SEMA5B: variants seen among roughly 807,000 people sequenced by gnomAD.
SEMA5B encodes semaphorin 5B.
A neutral mutation model predicts 135.0 loss-of-function variants in SEMA5B; 66 were observed. The ratio of observed to expected loss-of-function variants is 0.49; its 90% CI spans 0.40 to 0.60. The LOEUF is 0.60. Among genes scored for constraint, SEMA5B ranks in the 20% least tolerant of loss-of-function variants. The pLI is 0.00. For synonymous variants in SEMA5B, 690 were observed against 639.5 expected, an observed-to-expected ratio of 1.08 and a Z score of -1.19; for missense variants, 1,501 against 1,566.3, an observed-to-expected ratio of 0.96 and a Z score of 0.70.
chr3:122,927,759 G>C (rs1288776825), intron 8 of SEMA5B, 31 bp downstream of exon 8: 5 of 1,386,280 alleles, frequency 3.6e-6, no homozygotes, highest in Non-Finnish European at 3.8e-6. Flanking sequence ...AACCAGGGGA[G>C]TCCCCACCCC....
chr3:122,978,841 A>C (rs10934632), intron 1 of SEMA5B, among the ~76,000 whole-genome samples: 16,124 of 152,190 alleles, frequency 0.11, 902 homozygotes, highest in Middle Eastern at 0.17. Context: ...TAGTGCTGCC[A>C]CTATTCCAGG....
At chr3:123,012,464 G>T (rs1942459191) in intron 1 of SEMA5B, among the ~76,000 whole-genome samples, 1 of 152,122 alleles carries the variant, frequency 6.6e-6, no homozygotes, top group African/African-American at 2.4e-5. Context: ...CATAGGCATG[G>T]CCCCTCCGTC....
intron 1 of SEMA5B, among the ~76,000 whole-genome samples, chr3:122,971,862 G>A (rs201938185): frequency 5.9e-5 from 9 of 152,256 alleles, no homozygotes; most frequent in African/African-American, 1.9e-4. Context: ...AACAGGCACC[G>A]TGTTCTGCAT....
In SEMA5B at chr3:122,912,920, G is replaced by T. The variant is rs199535053; in HGVS notation, c.2648C>A (p.Pro883Gln). The change falls in exon 18 of 23, where the codon CCG (proline) becomes CAG (glutamine). Residue 883 changes from proline to glutamine, a missense_variant. Physicochemically the swap from Pro to Gln is moderately conservative, Grantham distance 76. Coordinates refer to ENST00000357599, the MANE Select transcript of SEMA5B (RefSeq NM_001031702.4). ...FRVRKRTCTN[P>Q]EPRNGGLPCV... ...GGGCAGGCCCCCGTTGCGGGGCTCC[G>T]GGTTAGTGCACGTTCTCTTGCGGAC... 2.9e-5 allele frequency: 46 copies of T among 1,612,298 alleles called. No individual in the cohort carries two copies. The East Asian group carries it at 1.0e-3, about 36-fold the overall frequency.
At chr3:123,014,433 A>T (rs1389550839) in intron 1 of SEMA5B, among the ~76,000 whole-genome samples, 1 of 152,246 alleles carries the variant, frequency 6.6e-6, no homozygotes, top group Non-Finnish European at 1.5e-5. Flanking sequence ...TAAATGAAAC[A>T]TCCGACAAGC....
At chr3:122,980,085 T>G (rs1284195320) in intron 1 of SEMA5B, among the ~76,000 whole-genome samples, 1 of 152,186 alleles carries the variant, frequency 6.6e-6, no homozygotes, top group Non-Finnish European at 1.5e-5. Flanking sequence ...TCTCTTCTGT[T>G]TCATTCTTAA....
At chr3:122,985,283 A>G (rs1000175474) in intron 1 of SEMA5B, among the ~76,000 whole-genome samples, 1 of 152,200 alleles carries the variant, frequency 6.6e-6, no homozygotes, top group Non-Finnish European at 1.5e-5. Context: ...GCTTCTAGCC[A>G]GGAGTTCAAG....
intron 1 of SEMA5B, among the ~76,000 whole-genome samples, chr3:123,000,765 G>C (rs1282654849): frequency 6.6e-6 from 1 of 152,104 alleles, no homozygotes; most frequent in Non-Finnish European, 1.5e-5. Flanking sequence ...TTTTTTGAGG[G>C]ATGCACCTTC....
rs1350124234 is a variant in SEMA5B at position 122,927,979 on chromosome 3, C to T, written c.661G>A (p.Glu221Lys). 1 of 1,506,136 alleles carries T rather than the reference C, an allele frequency of 6.6e-7. No individual in the cohort carries two copies. Among genetic ancestry groups the T allele is most frequent in the Non-Finnish European group, 8.9e-7 (1 of 1,123,182 alleles). The allele number at this position is 1,506,136 out of a possible 1,614,324, so 93.3% of individuals were successfully genotyped here. A position where few individuals can be genotyped will look rare whatever the true frequency, so the allele number is the denominator to read the frequency against. ...RQVGNLSRTI[E>K]KINGVARCPY... is the part of the protein sequence containing the mutation. ...CAGCGGGCCACACCATTGATCTTCT[C>T]AATAGTCCGGCTGAGGTTCCCCACC... Residue 221 changes from glutamate to lysine, a missense_variant, in exon 8 of 23, where the codon GAG becomes AAG. Glu to Lys is a moderately conservative substitution (Grantham distance 56). Around this residue, in one of 2 missense-constraint regions of SEMA5B, gnomAD observed 574 missense variants for 684.7 expected, o/e 0.84. Coordinates refer to ENST00000357599, the MANE Select transcript of SEMA5B (RefSeq NM_001031702.4).
At chr3:122,999,644 A>G (rs1365901243) in intron 1 of SEMA5B, among the ~76,000 whole-genome samples, 1 of 151,602 alleles carries the variant, frequency 6.6e-6, no homozygotes. Context: ...GGCAGCAAGG[A>G]CCCTCCCTTT....
At chr3:122,984,535 T>C (rs1441097269) in intron 1 of SEMA5B, among the ~76,000 whole-genome samples, 2 of 152,202 alleles carry the variant, frequency 1.3e-5, no homozygotes, top group Non-Finnish European at 2.9e-5. Flanking sequence ...CTGGGGCTCC[T>C]CTGCTCCAAC....
intron 1 of SEMA5B, among the ~76,000 whole-genome samples, chr3:122,998,751 C>T (rs1942090961): frequency 6.6e-6 from 1 of 152,138 alleles, no homozygotes; most frequent in South Asian, 2.1e-4. Flanking sequence ...CCAGGGGCTC[C>T]ACTCAGTGAA....
intron 4 of SEMA5B, among the ~76,000 whole-genome samples, chr3:122,942,009 A>G (rs999199533): frequency 2.6e-5 from 4 of 152,228 alleles, no homozygotes; most frequent in African/African-American, 9.6e-5. Context: ...CACAGTCAGG[A>G]ACCTCACCAC....
chr3:122,942,260 C>T (rs1396162373), intron 4 of SEMA5B, among the ~76,000 whole-genome samples: 1 of 152,146 alleles, frequency 6.6e-6, no homozygotes, highest in Non-Finnish European at 1.5e-5. Context: ...GTCAAGATCC[C>T]CCAGGACAGG....
intron 7 of SEMA5B, 149 bp from the exon 8 acceptor site, chr3:122,928,152 T>A: frequency 1.7e-6 from 1 of 593,066 alleles, no homozygotes; most frequent in Non-Finnish European, 2.8e-6. Context: ...TCATGGTCCC[T>A]CTGAGGGAGC....
intron 1 of SEMA5B, among the ~76,000 whole-genome samples, chr3:123,024,717 C>A (rs1365370518): frequency 6.6e-6 from 1 of 152,182 alleles, no homozygotes; most frequent in African/African-American, 2.4e-5. Flanking sequence ...AGTCAATCCC[C>A]AAGGTACAGG....
intron 1 of SEMA5B, among the ~76,000 whole-genome samples, chr3:123,007,685 C>G (rs1216813071): frequency 6.6e-6 from 1 of 152,162 alleles, no homozygotes; most frequent in African/African-American, 2.4e-5. Context: ...TGGTACCCTG[C>G]ACCACCTTGG....
rs116025335 is a variant in SEMA5B at position 122,918,261 on chromosome 3, T to C, written c.1689-2371A>G. Among the ~76,000 whole-genome samples the C allele has an allele frequency of 3.9e-3, 595 of 152,344 alleles. 4 individuals are homozygous for C. Among genetic ancestry groups the C allele is most frequent in the African/African-American group, 0.014 (573 of 41,580 alleles). ...TGCAGAAGATTCTGGAGAAATGCAA[T>C]TGGCCTCTTGCTCCTTCTTCCATCT... On this transcript the variant is annotated intron_variant, in intron 12 of 22. Coordinates refer to ENST00000357599, the MANE Select transcript of SEMA5B (RefSeq NM_001031702.4).
intron 12 of SEMA5B, among the ~76,000 whole-genome samples, chr3:122,921,341 C>A (rs1235940363): frequency 6.6e-6 from 1 of 152,210 alleles, no homozygotes; most frequent in Non-Finnish European, 1.5e-5. Context: ...ATCTGTGAGT[C>A]CGCTTGAAGC....
Sources: gnomAD v4.1 joint callset for allele counts (sites outside exome capture counted in the v4.1 genomes callset) on GRCh38, gnomAD v4.1.1 for gene constraint, gnomAD v4.1.1 regional missense constraint, MANE v1.5 for transcripts, NCBI Gene and HGNC (gene_info 2026-07-23, HGNC 2026-07-21) for gene names.